HAAO: variants seen among roughly 807,000 people sequenced by gnomAD.
HAAO encodes 3-hydroxyanthranilate 3,4-dioxygenase.
A neutral mutation model predicts 46.2 loss-of-function variants in HAAO; 49 were observed. That is an observed-to-expected ratio of 1.06 (90% confidence interval 0.84 to 1.34). The LOEUF (loss-of-function observed/expected upper bound fraction) is 1.34. Among genes scored for constraint, HAAO ranks in the 40% most tolerant of loss-of-function variants. The pLI is 0.00. For missense variants in HAAO, 408 were observed against 364.5 expected (o/e 1.12, Z -0.97); for synonymous variants, 157 against 145.2 (o/e 1.08, Z -0.58).
intron 4 of HAAO, among the ~76,000 whole-genome samples, chr2:42,781,990 A>G (rs551836563): frequency 6.6e-6 from 1 of 152,354 alleles, no homozygotes; most frequent in South Asian, 2.1e-4. Context: ...TGGAGAGAGA[A>G]AAATTATGTT....
chr2:42,779,230 C>A (rs1048115320), intron 4 of HAAO, among the ~76,000 whole-genome samples: 31 of 152,258 alleles, frequency 2.0e-4, no homozygotes, highest in Middle Eastern at 3.4e-3. Context: ...TTTATTGAAG[C>A]ATTAACTGAC....
Position 42,788,515 on chromosome 2 carries a change from C to T in HAAO, c.159+14G>A. On this transcript the variant is annotated intron_variant, in intron 2 of 9. Coordinates refer to ENST00000294973, the MANE Select transcript of HAAO (RefSeq NM_012205.3). ...GCCCGCAGGCCTAGATCCAGGGAGA[C>T]CAGTCAAACCTACCTCTTCACCCTC... The T allele has an allele frequency of 1.9e-6, 3 of 1,553,320 alleles. No homozygotes were observed. Among genetic ancestry groups the T allele is most frequent in the Non-Finnish European group, 2.7e-6 (3 of 1,125,284 alleles).
intron 6 of HAAO, 47 bp from the exon 7 acceptor site, chr2:42,769,905 A>T: frequency 6.5e-7 from 1 of 1,544,914 alleles, no homozygotes; most frequent in Non-Finnish European, 8.7e-7. Context: ...GACCCAGCCC[A>T]CCCAGCCCCA....
chr2:42,773,653 C>T (rs574337289), intron 4 of HAAO, among the ~76,000 whole-genome samples: 2 of 145,964 alleles, frequency 1.4e-5, no homozygotes, highest in Admixed American at 1.4e-4. Context: ...CTGGCGCGAT[C>T]TTGGCTCACT....
intron 6 of HAAO, 67 bp from the exon 7 acceptor site, chr2:42,769,925 G>C (rs541260096): frequency 6.6e-7 from 1 of 1,503,944 alleles, no homozygotes; most frequent in African/African-American, 1.4e-5. Context: ...AGTGGGCCCA[G>C]TTCCCAGGGG....
rs893022311 is a variant in HAAO at position 42,767,670 on chromosome 2, G to A, written c.707C>T (p.Ser236Phe). 1 of 1,568,220 alleles carries A rather than the reference G, an allele frequency of 6.4e-7. No individual in the cohort carries two copies. The highest frequency in any genetic ancestry group is 1.4e-5 in the African/African-American group (1 of 73,774). The change falls in exon 9 of 10, where the codon TCC becomes TTC. Residue 236 changes from serine (S) to phenylalanine (F), a missense_variant. Transcript: ENST00000294973. ...VDVWLWQLEG[S>F]SVVTMGGRRL... ...CCGTCCCCCCATTGTCACCACCGAG[G>A]AGCCCTCCTGGAGAAGAGGAGCAGG...
chr2:42,785,781 G>A (rs572413581), intron 2 of HAAO, among the ~76,000 whole-genome samples: 2 of 152,194 alleles, frequency 1.3e-5, no homozygotes, highest in Admixed American at 1.3e-4. Flanking sequence ...AGGATCACTT[G>A]AGCCCCAGAA....
At chr2:42,780,569 A>C (rs570433009) in intron 4 of HAAO, among the ~76,000 whole-genome samples, 59 of 152,200 alleles carry the variant, frequency 3.9e-4, no homozygotes, top group African/African-American at 1.4e-3. Flanking sequence ...AGAATAGAGA[A>C]GAAAAACTTT....
intron 2 of HAAO, among the ~76,000 whole-genome samples, chr2:42,786,009 CTGTGTGTGTGTGTGTGTG>C (rs10606385): frequency 0.01 from 1,065 of 106,150 alleles, 17 homozygotes; most frequent in African/African-American, 0.034. Flanking sequence ...GAGGAAGCCT[CTGTGTGTGTGTGTGTGTG>C]TGTGTGTGTG....
At chr2:42,779,510 C>T (rs58176327) in intron 4 of HAAO, among the ~76,000 whole-genome samples, 54,953 of 151,808 alleles carry the variant, frequency 0.36, 10,777 homozygotes, top group African/African-American at 0.48. Context: ...TTGGTAGAGG[C>T]GGGGTTTCAC....
chr2:42,768,970 A>G (rs1456898817), intron 7 of HAAO, among the ~76,000 whole-genome samples: 3 of 152,008 alleles, frequency 2.0e-5, no homozygotes, highest in Non-Finnish European at 4.4e-5. Context: ...CTCACCTAGA[A>G]TGCTCTCTCC....
chr2:42,784,560 T>A (rs1390763703), intron 2 of HAAO, among the ~76,000 whole-genome samples: 3 of 149,472 alleles, frequency 2.0e-5, no homozygotes, highest in African/African-American at 4.9e-5. Context: ...TCCTACTGCA[T>A]TTTTCCGATT....
At position 42,792,573 on chromosome 2, in the gene HAAO, C is replaced by T. The variant is rs371800353; in HGVS notation, c.-37G>A. ...GCGCCTCCTCGCAGCGCTGTCCTCC[C>T]GCCGTCGGAGGCCCGCAGCTCCGCC... On this transcript the variant is annotated 5_prime_UTR_variant, in exon 1 of 10. Transcript: ENST00000294973. 265 of 1,465,436 alleles carry T rather than the reference C, an allele frequency of 1.8e-4. No individual in the cohort carries two copies. In the African/African-American group the frequency reaches 3.5e-3, roughly 19 times the overall value. The allele number at this position is 1,465,436 out of a possible 1,614,324, so 90.8% of individuals were successfully genotyped here.
chr2:42,767,855 C>G lies in HAAO; in HGVS notation c.699+5G>C. 1.9e-6 allele frequency: 3 copies of G among 1,613,908 alleles called. No individual in the cohort carries two copies. The highest frequency in any genetic ancestry group is 2.5e-6 in the Non-Finnish European group (3 of 1,179,776). ...TCTGCAACCCTGTCCCTGGGCCCCA[C>G]TTGCCAGCTGCCACAGCCACACGTC... On this transcript the variant is annotated splice_donor_5th_base_variant and intron_variant, in intron 8 of 9. Transcript: ENST00000294973.
chr2:42,787,318 G>A (rs1011731239), intron 2 of HAAO, among the ~76,000 whole-genome samples: 4 of 152,160 alleles, frequency 2.6e-5, no homozygotes, highest in African/African-American at 4.8e-5. Flanking sequence ...CAGGAGAGGC[G>A]GGTGCTGAGA....
intron 4 of HAAO, among the ~76,000 whole-genome samples, chr2:42,771,444 TAAAAAAAAA>T (rs112130512): frequency 8.0e-6 from 1 of 124,736 alleles, no homozygotes; most frequent in Non-Finnish European, 1.8e-5. Flanking sequence ...AATAAATAAG[TAAAAAAAAA>T]AAAAAAAAGA....
At position 42,792,469 on chromosome 2, in the gene HAAO, C is replaced by T. The variant is rs766679141; in HGVS notation, c.68G>A (p.Cys23Tyr). The T allele has an allele frequency of 1.3e-6, 2 of 1,588,316 alleles. No homozygotes were observed. Among genetic ancestry groups the T allele is most frequent in the Non-Finnish European group, 8.6e-7 (1 of 1,167,512 alleles). ...ENRGSFQPPV[C>Y]NKLMHQEQLK... ...GTGCTGGACTCACATGAGCTTGTTG[C>T]AGACCGGGGGCTGGAAGGAGCCCCG... Residue 23 changes from cysteine (C) to tyrosine (Y), a missense_variant, in exon 1 of 10, where the codon TGC becomes TAC. Transcript: ENST00000294973.
intron 4 of HAAO, among the ~76,000 whole-genome samples, chr2:42,780,771 C>A (rs1671928347): frequency 6.6e-6 from 1 of 151,418 alleles, no homozygotes; most frequent in South Asian, 2.1e-4. Flanking sequence ...CAGCTTTTAA[C>A]AATTTAATAC....
At chr2:42,790,973 T>TCTTCAGCAGCTTCTCACCTTGCTTG (rs1400262816) in intron 1 of HAAO, among the ~76,000 whole-genome samples, 12 of 152,308 alleles carry the variant, frequency 7.9e-5, no homozygotes, top group South Asian at 2.1e-4. Context: ...TGCCCAGAAC[T>TCTTCAGCAGCTTCTCACCTTGCTTG]CTTCAGCAGC....
Sources: allele counts gnomAD v4.1 joint callset (sites outside exome capture counted in the v4.1 genomes callset), GRCh38; gene constraint gnomAD v4.1.1; transcripts MANE v1.5; gene names NCBI Gene and HGNC (gene_info 2026-07-23, HGNC 2026-07-21).